The following AMELY variants were observed in gnomAD, a reference collection of about 807,000 sequenced individuals.
AMELY encodes amelogenin Y-linked, also known as amelogenin, Y isoform.
Under a neutral mutation model 4.2 loss-of-function variants are expected in AMELY, and 4 were observed. That is an observed-to-expected ratio of 0.96 (90% CI 0.47 to 2.19). The LOEUF (loss-of-function observed/expected upper bound fraction) is 2.19, where lower values mean the gene tolerates loss of function less well. AMELY is among the 30% of genes most tolerant of loss of function. The pLI is 0.02. For missense variants in AMELY, 32 were observed against 41.5 expected (o/e 0.77, Z 0.63); for synonymous variants, 11 against 14.7 (o/e 0.75, Z 0.57).
chrY:6,897,119 A>G, intron 1 of AMELY, among the ~76,000 whole-genome samples: 1 of 33,591 alleles, frequency 3.0e-5, no homozygotes, highest in Non-Finnish European at 7.4e-5. Context: ...GGTCAAGTGT[A>G]TGATCTGGGC....
intron 1 of AMELY, among the ~76,000 whole-genome samples, chrY:6,897,456 T>A (rs2124084546): frequency 9.2e-5 from 3 of 32,650 alleles, no homozygotes. Context: ...GAGCTGCAAG[T>A]CTTCTCAGTA....
intron 1 of AMELY, among the ~76,000 whole-genome samples, chrY:6,910,475 G>A (rs2011682107): frequency 3.1e-5 from 1 of 32,467 alleles, no homozygotes; most frequent in African/African-American, 1.2e-4. Flanking sequence ...AAACCACTGG[G>A]GCGCTGGAGC....
chrY:6,884,404 G>A, intron 1 of AMELY, among the ~76,000 whole-genome samples: 4 of 32,056 alleles, frequency 1.2e-4, no homozygotes, highest in African/African-American at 2.5e-4. Flanking sequence ...CGTTCTGCCC[G>A]TGTAATCCAG....
At chrY:6,902,462 A>T (rs2054089918) in intron 1 of AMELY, among the ~76,000 whole-genome samples, 1 of 33,355 alleles carries the variant, frequency 3.0e-5, no homozygotes, top group Non-Finnish European at 7.4e-5. Flanking sequence ...GGTCTGGGTC[A>T]TCTGCAGTCC....
chrY:6,874,197 G>A, intron 1 of AMELY, among the ~76,000 whole-genome samples, 126 bp from the exon 2 acceptor site: 1 of 33,207 alleles, frequency 3.0e-5, no homozygotes, highest in Non-Finnish European at 7.5e-5. Flanking sequence ...AGTCCATATA[G>A]TTCTTCATTA....
At position 6,872,610 on chromosome Y, in the gene AMELY, T is replaced by C; in HGVS notation, c.-2A>G. 2.5e-6 allele frequency: 1 copy of C among 395,772 alleles called. No homozygotes were observed. Among genetic ancestry groups the C allele is most frequent in the Non-Finnish European group, 3.6e-6 (1 of 281,162 alleles). ...GGCAAACAAAATCCAGGTCCCCATTTCTTGATGGTTCTGAAATGAAAATCA... is the reference window on the plus strand; with the variant it reads ...GGCAAACAAAATCCAGGTCCCCATTCCTTGATGGTTCTGAAATGAAAATCA... On this transcript the variant is annotated 5_prime_UTR_variant, in exon 3 of 7. Transcript: ENST00000651267.
At chrY:6,898,055 GA>G (rs2054087234) in intron 1 of AMELY, among the ~76,000 whole-genome samples, 3 of 32,522 alleles carry the variant, frequency 9.2e-5, no homozygotes, top group Non-Finnish European at 1.5e-4. Flanking sequence ...AAAGTGCTGG[GA>G]TTATAGGCAT....
chrY:6,884,389 C>G, intron 1 of AMELY, among the ~76,000 whole-genome samples: 1 of 31,863 alleles, frequency 3.1e-5, no homozygotes, highest in Non-Finnish European at 7.6e-5. Context: ...TGCAAAAAAC[C>G]TACACGTTCT....
rs371331331 is a variant in AMELY, at chrY:6,888,135, C to T, written c.-112-14064G>A. ...TTCCTCCAATAATGTAAAAGCCTTC[C>T]TATTTCTCCACAGTCTCACCGGATC... On this transcript the variant is annotated intron_variant, in intron 1 of 6. Coordinates refer to ENST00000651267, the MANE Select transcript of AMELY (RefSeq NM_001143.2). 1.9e-3 allele frequency among the ~76,000 whole-genome samples: 64 copies of T among 33,501 alleles called. No individual in the cohort carries two copies. The East Asian group carries it at 0.048, about 25-fold the overall frequency. 89.9% of individuals were successfully genotyped at this position (33,501 alleles called of 37,273 possible).
chrY:6,897,986 T>C (rs2054087163), intron 1 of AMELY, among the ~76,000 whole-genome samples: 1 of 32,014 alleles, frequency 3.1e-5, no homozygotes, highest in African/African-American at 1.2e-4. Flanking sequence ...GGTTTCTCCA[T>C]GTTGGTTAGA....
chrY:6,871,882 C>G, intron 3 of AMELY, among the ~76,000 whole-genome samples: 2 of 31,792 alleles, frequency 6.3e-5, no homozygotes, highest in Non-Finnish European at 1.5e-4. Context: ...TCGCTTGAAC[C>G]TGGGAGGCAG....
chrY:6,884,189 C>G, intron 1 of AMELY, among the ~76,000 whole-genome samples: 1 of 29,360 alleles, frequency 3.4e-5, no homozygotes, highest in African/African-American at 1.4e-4. Flanking sequence ...GATCAGAAAA[C>G]CAAACACTGC....
At chrY:6,874,539 G>A (rs2054070676) in intron 1 of AMELY, among the ~76,000 whole-genome samples, 1 of 33,182 alleles carries the variant, frequency 3.0e-5, no homozygotes, top group Non-Finnish European at 7.5e-5. Context: ...GATCTAAAAG[G>A]CAAGACAAGA....
intron 1 of AMELY, among the ~76,000 whole-genome samples, chrY:6,906,098 T>G (rs2011662238): frequency 1.8e-4 from 6 of 33,112 alleles, no homozygotes; most frequent in African/African-American, 3.6e-4. Context: ...CTATACAAGC[T>G]CTCTCTCTTT....
intron 6 of AMELY, among the ~76,000 whole-genome samples, chrY:6,866,465 G>C (rs2054061932): frequency 1.2e-4 from 4 of 32,285 alleles, no homozygotes; most frequent in Admixed American, 2.9e-4. Flanking sequence ...TCTGCCCAAA[G>C]TCACCTTTCC....
At chrY:6,899,625 C>T (rs2054088145) in intron 1 of AMELY, among the ~76,000 whole-genome samples, 14 of 31,437 alleles carry the variant, frequency 4.5e-4, no homozygotes, top group Non-Finnish European at 9.2e-4. Flanking sequence ...CCCAGCTACT[C>T]GGGAGGCGCA....
At chrY:6,889,680 T>G (rs757433331) in intron 1 of AMELY, among the ~76,000 whole-genome samples, 1 of 32,138 alleles carries the variant, frequency 3.1e-5, no homozygotes, top group East Asian at 8.3e-4. Flanking sequence ...CTCTGGAGGC[T>G]GAGGCAGGAG....
intron 1 of AMELY, among the ~76,000 whole-genome samples, chrY:6,874,840 T>G: frequency 2.9e-5 from 1 of 34,090 alleles, no homozygotes; most frequent in Non-Finnish European, 7.4e-5. Context: ...AGGACTGTGA[T>G]CTATTAAACG....
At chrY:6,885,035 A>G (rs2054078172) in intron 1 of AMELY, among the ~76,000 whole-genome samples, 1 of 34,386 alleles carries the variant, frequency 2.9e-5, no homozygotes, top group Non-Finnish European at 7.2e-5. Context: ...ACAGTAAGAT[A>G]GCATTTCACA....
Sources: allele counts gnomAD v4.1 joint callset (sites outside exome capture counted in the v4.1 genomes callset), GRCh38; gene constraint gnomAD v4.1.1; transcripts MANE v1.5; gene names NCBI Gene and HGNC (gene_info 2026-07-23, HGNC 2026-07-21).